PLXNA4: variants seen among roughly 807,000 people sequenced by gnomAD.
The protein encoded by PLXNA4 is plexin-A4.
PLXNA4 carries 44 observed loss-of-function variants against 191.8 expected under a neutral mutation model. The ratio of observed to expected loss-of-function variants is 0.23; its 90% CI spans 0.18 to 0.29. PLXNA4 has a LOEUF of 0.29. PLXNA4 is among the 10% of genes least tolerant of loss of function. The pLI, the probability that PLXNA4 is intolerant of heterozygous loss-of-function variation, is 1.00. For missense variants in PLXNA4, 1,800 were observed against 2,488.8 expected, an observed-to-expected ratio of 0.72 and a Z score of 5.89; for synonymous variants, 1,082 against 1,009.5, an observed-to-expected ratio of 1.07 and a Z score of -1.36.
intron 9 of PLXNA4, among the ~76,000 whole-genome samples, chr7:132,214,272 C>T (rs1035620312): frequency 6.6e-6 from 1 of 152,188 alleles, no homozygotes; most frequent in African/African-American, 2.4e-5. Context: ...AAACCTGTCT[C>T]CCACGTCCCC....
chr7:132,290,286 G>T (rs1160560673), intron 4 of PLXNA4, among the ~76,000 whole-genome samples: 1 of 152,226 alleles, frequency 6.6e-6, no homozygotes, highest in East Asian at 1.9e-4. Flanking sequence ...GCTGGTGTGT[G>T]GAGAGGCAGA....
At chr7:132,203,247 G>T in intron 11 of PLXNA4, 76 bp downstream of exon 11, 1 of 1,368,818 alleles carries the variant, frequency 7.3e-7, no homozygotes, top group Non-Finnish European at 1.0e-6. Context: ...ACTCCCGCGA[G>T]AATGCAGGAC....
intron 2 of PLXNA4, among the ~76,000 whole-genome samples, chr7:132,613,614 G>A (rs147504954): frequency 6.6e-6 from 1 of 152,216 alleles, no homozygotes; most frequent in African/African-American, 2.4e-5. Context: ...AGTGGGCGAC[G>A]GGGTGATGGA....
At chr7:132,195,177 ATG>A (rs1344361575) in intron 13 of PLXNA4, among the ~76,000 whole-genome samples, 1 of 144,844 alleles carries the variant, frequency 6.9e-6, no homozygotes, top group Admixed American at 6.9e-5. Flanking sequence ...GGAAAGATAT[ATG>A]TGTTTTTTTA....
chr7:132,390,778 C>A (rs1805375262), intron 3 of PLXNA4, among the ~76,000 whole-genome samples: 1 of 152,160 alleles, frequency 6.6e-6, no homozygotes, highest in South Asian at 2.1e-4. Flanking sequence ...TTTCAGCAGG[C>A]ACTTGCACTC....
intron 3 of PLXNA4, among the ~76,000 whole-genome samples, chr7:132,481,106 AG>A (rs1418580398): frequency 6.6e-6 from 1 of 152,144 alleles, no homozygotes; most frequent in Non-Finnish European, 1.5e-5. Flanking sequence ...GAACTGCTTT[AG>A]GAAGCTGAAT....
chr7:132,586,669 C>T (rs1802511277), intron 2 of PLXNA4, among the ~76,000 whole-genome samples: 1 of 152,194 alleles, frequency 6.6e-6, no homozygotes, highest in African/African-American at 2.4e-5. Flanking sequence ...AGGAGAATCA[C>T]TTGAACCTGG....
intron 4 of PLXNA4, among the ~76,000 whole-genome samples, chr7:132,278,905 G>T (rs1800375706): frequency 6.6e-6 from 1 of 152,250 alleles, no homozygotes; most frequent in African/African-American, 2.4e-5. Context: ...GGAGAGAAAA[G>T]AAACTTTCAC....
At chr7:132,316,439 T>C (rs1364030833) in intron 3 of PLXNA4, among the ~76,000 whole-genome samples, 1 of 152,220 alleles carries the variant, frequency 6.6e-6, no homozygotes, top group East Asian at 1.9e-4. Flanking sequence ...ACTTTACGGA[T>C]CAAGTCACTA....
intron 3 of PLXNA4, among the ~76,000 whole-genome samples, chr7:132,458,790 C>A (rs1309344911): frequency 1.3e-5 from 2 of 152,032 alleles, no homozygotes; most frequent in South Asian, 2.1e-4. Flanking sequence ...CACATTCCTG[C>A]CTGAATATGA....
intron 3 of PLXNA4, among the ~76,000 whole-genome samples, chr7:132,308,440 G>A (rs1477178975): frequency 1.3e-5 from 2 of 152,136 alleles, no homozygotes; most frequent in Admixed American, 6.5e-5. Flanking sequence ...ATGAATAGGT[G>A]GTTAATTCAC....
At chr7:132,520,448 C>T (rs977519405) in intron 1 of PLXNA4, among the ~76,000 whole-genome samples, 5 of 152,176 alleles carry the variant, frequency 3.3e-5, no homozygotes, top group African/African-American at 9.6e-5. Context: ...CAGCAGGAGG[C>T]CTCCAAGCAT....
chr7:132,564,015 CCTCCTTCTCCTCCTCCTTCTCCTCCTT>C (rs1801571140), intron 1 of PLXNA4, among the ~76,000 whole-genome samples: 1 of 62,600 alleles, frequency 1.6e-5, no homozygotes. Context: ...TCCTTCTCCT[CCTCCTTCTCCTCCTCCTTCTCCTCCTT>C]TTCCTCCCCC....
intron 3 of PLXNA4, among the ~76,000 whole-genome samples, chr7:132,483,211 G>A (rs921520248): frequency 6.6e-6 from 1 of 152,148 alleles, no homozygotes; most frequent in Admixed American, 6.5e-5. Flanking sequence ...CAGAGTGGCT[G>A]AGGAAATCAT....
chr7:132,135,268 C>G (rs972934520), intron 30 of PLXNA4, among the ~76,000 whole-genome samples: 11 of 152,200 alleles, frequency 7.2e-5, no homozygotes, highest in Non-Finnish European at 1.5e-5. Context: ...ACTCTGGTAA[C>G]TCAGCTGAGT....
intron 30 of PLXNA4, among the ~76,000 whole-genome samples, chr7:132,135,041 T>C (rs975500837): frequency 2.0e-5 from 3 of 152,168 alleles, no homozygotes; most frequent in African/African-American, 7.2e-5. Context: ...TAAATGCCAT[T>C]GTTCCATTTT....
chr7:132,187,721 C>CA (rs1796926513), intron 14 of PLXNA4, 114 bp from the exon 15 acceptor site: 1 of 1,459,492 alleles, frequency 6.9e-7, no homozygotes, highest in South Asian at 1.4e-5. Flanking sequence ...TCTTTGGTAA[C>CA]AGTGGTCTCC....
chr7:132,386,653 C>G (rs1313367490), intron 3 of PLXNA4, among the ~76,000 whole-genome samples: 2 of 152,180 alleles, frequency 1.3e-5, no homozygotes, highest in African/African-American at 4.8e-5. Flanking sequence ...TGGCATACCC[C>G]CGGTACGTTA....
At chr7:132,353,103 T>A (rs1355194004) in intron 3 of PLXNA4, among the ~76,000 whole-genome samples, 1 of 152,218 alleles carries the variant, frequency 6.6e-6, no homozygotes, top group Non-Finnish European at 1.5e-5. Flanking sequence ...ACGCTTGTTT[T>A]TAGCTCTTCT....
Sources: allele counts gnomAD v4.1 joint callset (sites outside exome capture counted in the v4.1 genomes callset), GRCh38; gene constraint gnomAD v4.1.1; transcripts MANE v1.5; gene names NCBI Gene and HGNC (gene_info 2026-07-23, HGNC 2026-07-21).